The following GABRA5 variants were observed in gnomAD, a reference collection of about 807,000 sequenced individuals.
GABRA5 encodes the protein gamma-aminobutyric acid receptor subunit alpha-5.
A neutral mutation model predicts 47.3 loss-of-function variants in GABRA5; 18 were observed. That is an observed-to-expected ratio of 0.38 (90% confidence interval 0.26 to 0.56). GABRA5 has a LOEUF of 0.56. Ranked by LOEUF, GABRA5 falls within the 20% of genes least tolerant of loss-of-function variation. The pLI is 0.71. For missense variants in GABRA5, 365 were observed against 599.3 expected, an observed-to-expected ratio of 0.61 and a Z score of 4.08; for synonymous variants, 237 against 229.3, an observed-to-expected ratio of 1.03 and a Z score of -0.30.
chr15:26,914,527 T>G (rs1449874308), intron 6 of GABRA5, among the ~76,000 whole-genome samples: 2 of 152,216 alleles, frequency 1.3e-5, no homozygotes, highest in African/African-American at 4.8e-5. Context: ...TAAATAACTT[T>G]TAAAGGCATC....
Position 26,948,311 on chromosome 15 carries a change from T to G in GABRA5, c.*78T>G. Reference sequence around the variant, plus strand: ...AAGGAGAGGTCTTGCTCACAGGGACTCTCCATATGTGAGCACTATCTTTCA... The same window carrying G: ...AAGGAGAGGTCTTGCTCACAGGGACGCTCCATATGTGAGCACTATCTTTCA... On this transcript the variant is annotated 3_prime_UTR_variant, in exon 11 of 11. Coordinates refer to ENST00000335625, the MANE Select transcript of GABRA5 (RefSeq NM_000810.4). 1 of 1,354,228 alleles carries G rather than the reference T, an allele frequency of 7.4e-7. No homozygotes were observed. The highest frequency in any genetic ancestry group is 2.4e-5 in the East Asian group (1 of 41,744). 83.9% of individuals were successfully genotyped at this position (1,354,228 alleles called of 1,614,324 possible). A position where few individuals can be genotyped will look rare whatever the true frequency, so the allele number is the denominator to read the frequency against.
intron 7 of GABRA5, among the ~76,000 whole-genome samples, chr15:26,931,055 C>A (rs1178256367): frequency 6.6e-6 from 1 of 151,766 alleles, no homozygotes; most frequent in African/African-American, 2.4e-5. Context: ...GCCACAATGC[C>A]CCGCTAATTT....
chr15:26,936,977 C>T (rs867336733), intron 7 of GABRA5, among the ~76,000 whole-genome samples: 9 of 152,196 alleles, frequency 5.9e-5, no homozygotes, highest in Non-Finnish European at 1.2e-4. Flanking sequence ...AGACAGCAGC[C>T]TGGCACCCAG....
At chr15:26,945,187 C>T (rs987359179) in intron 10 of GABRA5, among the ~76,000 whole-genome samples, 1 of 152,224 alleles carries the variant, frequency 6.6e-6, no homozygotes, top group Non-Finnish European at 1.5e-5. Flanking sequence ...GGTTCCACCC[C>T]TGCTGCCAGG....
intron 6 of GABRA5, among the ~76,000 whole-genome samples, chr15:26,886,051 A>G (rs1892870781): frequency 6.6e-6 from 1 of 151,574 alleles, no homozygotes; most frequent in South Asian, 2.1e-4. Context: ...ATGGAGTCTC[A>G]CTCTGTCACC....
chr15:26,944,174 C>T (rs1488943489), intron 10 of GABRA5, among the ~76,000 whole-genome samples: 1 of 152,138 alleles, frequency 6.6e-6, no homozygotes, highest in Non-Finnish European at 1.5e-5. Flanking sequence ...TGAAGGGAGT[C>T]CTGGAAGGCA....
At chr15:26,879,374 A>ATGC (rs1375466251) in intron 3 of GABRA5, among the ~76,000 whole-genome samples, 10 of 152,190 alleles carry the variant, frequency 6.6e-5, no homozygotes, top group Admixed American at 6.5e-4. Context: ...GGGAGGAGCT[A>ATGC]TGCTAGGCTT....
intron 6 of GABRA5, among the ~76,000 whole-genome samples, chr15:26,909,907 G>A (rs1215125462): frequency 6.6e-6 from 1 of 152,196 alleles, no homozygotes; most frequent in Non-Finnish European, 1.5e-5. Context: ...CTGCATTGAT[G>A]CAGGATTTCC....
chr15:26,942,837 C>A (rs1226689210), intron 9 of GABRA5, among the ~76,000 whole-genome samples: 1 of 152,100 alleles, frequency 6.6e-6, no homozygotes, highest in Non-Finnish European at 1.5e-5. Context: ...AATCACCAGT[C>A]CCTTGGGAGG....
chr15:26,883,586 C>CCG lies in GABRA5; in HGVS notation c.497+29_497+30insCG. ...AGCGCCGGGCGGGGGCGGGCGGGGCCGGGGGACGGTGCGGGGCAGGCGCGG... is the reference window on the plus strand; with the variant it reads ...AGCGCCGGGCGGGGGCGGGCGGGGCCCGGGGGGACGGTGCGGGGCAGGCGCGG... On this transcript the variant is annotated intron_variant, in intron 6 of 10. Transcript: ENST00000335625. This position sits in a 1 kb window ranked among gnomAD's most constrained non-coding sequence, Gnocchi z 4.8. 1 of 560,476 alleles carries CCG rather than the reference C, an allele frequency of 1.8e-6. No homozygotes were observed. The highest frequency in any genetic ancestry group is 3.2e-6 in the Non-Finnish European group (1 of 311,142). The allele number at this position is 560,476 out of a possible 1,614,324, so 34.7% of individuals were successfully genotyped here. A position where few individuals can be genotyped will look rare whatever the true frequency, so the allele number is the denominator to read the frequency against.
chr15:26,893,376 GGGACTATA>G (rs1893076407), intron 6 of GABRA5, among the ~76,000 whole-genome samples: 1 of 758 alleles, frequency 1.3e-3, no homozygotes, highest in South Asian at 0.038. Context: ...AGCGTGTGGC[GGGACTATA>G]TGGAGTATGT....
chr15:26,939,027 G>A (rs1894316930), intron 8 of GABRA5, among the ~76,000 whole-genome samples: 1 of 152,142 alleles, frequency 6.6e-6, no homozygotes, highest in Non-Finnish European at 1.5e-5. Flanking sequence ...AGCCCCCAAA[G>A]CCTGTTCTCC....
intron 7 of GABRA5, among the ~76,000 whole-genome samples, chr15:26,920,266 C>T (rs547291259): frequency 5.9e-5 from 9 of 151,804 alleles, no homozygotes; most frequent in Middle Eastern, 3.4e-3. Flanking sequence ...TGATGGTGTC[C>T]CATAAGTCTC....
chr15:26,943,466 A>G (rs1050457253), intron 10 of GABRA5, 40 bp downstream of exon 10: 1 of 1,515,630 alleles, frequency 6.6e-7, no homozygotes, highest in Non-Finnish European at 9.0e-7. Flanking sequence ...GGTCCCCTTG[A>G]CAGAGAAAGT....
At chr15:26,933,418 A>AG (rs1490578553) in intron 7 of GABRA5, among the ~76,000 whole-genome samples, 6 of 152,184 alleles carry the variant, frequency 3.9e-5, no homozygotes, top group African/African-American at 1.4e-4. Flanking sequence ...AGTATGAGGG[A>AG]GGGGTAAGCA....
chr15:26,888,718 C>G (rs1326086819), intron 6 of GABRA5, among the ~76,000 whole-genome samples: 1 of 152,208 alleles, frequency 6.6e-6, no homozygotes, highest in Admixed American at 6.5e-5. Context: ...GAGATAATAA[C>G]CAAGTGAATT....
chr15:26,898,132 T>G (rs1290382167), intron 6 of GABRA5, among the ~76,000 whole-genome samples: 1 of 152,136 alleles, frequency 6.6e-6, no homozygotes, highest in African/African-American at 2.4e-5. Flanking sequence ...AGATTTAGGG[T>G]TGGATCACTT....
intron 6 of GABRA5, among the ~76,000 whole-genome samples, chr15:26,891,164 C>G (rs1475903095): frequency 2.0e-5 from 3 of 152,220 alleles, no homozygotes; most frequent in Non-Finnish European, 4.4e-5. Flanking sequence ...GACTCTCGGG[C>G]ACACATCTCA....
intron 6 of GABRA5, among the ~76,000 whole-genome samples, chr15:26,892,876 G>T (rs1893043482): frequency 6.6e-6 from 1 of 151,950 alleles, no homozygotes; most frequent in African/African-American, 2.4e-5. Flanking sequence ...GTGTGGGTGT[G>T]TATGGGTATG....
Sources: gnomAD v4.1 joint callset for allele counts (sites outside exome capture counted in the v4.1 genomes callset) on GRCh38, gnomAD v4.1.1 for gene constraint, Gnocchi (gnomAD v3.1) non-coding constraint, MANE v1.5 for transcripts, NCBI Gene and HGNC (gene_info 2026-07-23, HGNC 2026-07-21) for gene names.